IFT80: variants seen among roughly 807,000 people sequenced by gnomAD.
IFT80 encodes the protein intraflagellar transport protein 80 homolog.
Under a neutral mutation model 107.9 loss-of-function variants are expected in IFT80, and 79 were observed. The ratio of observed to expected loss-of-function variants is 0.73; its 90% CI spans 0.61 to 0.88. The LOEUF is 0.88. IFT80 is among the 40% of genes least tolerant of loss of function. The probability of loss-of-function intolerance (pLI) is 0.00; values close to 1 mark genes in which losing one functional copy is unlikely to be tolerated. For synonymous variants in IFT80, 299 were observed against 300.9 expected (o/e 0.99, Z 0.07); for missense variants, 797 against 914.2 (o/e 0.87, Z 1.65).
intron 8 of IFT80, among the ~76,000 whole-genome samples, chr3:160,325,008 C>A (rs1249943428): frequency 6.6e-6 from 1 of 150,376 alleles, no homozygotes; most frequent in African/African-American, 2.4e-5. Flanking sequence ...AGAGCCAAAT[C>A]ATGAGTGAAC....
intron 6 of IFT80, among the ~76,000 whole-genome samples, chr3:160,363,620 A>G (rs918798842): frequency 3.9e-5 from 6 of 152,296 alleles, no homozygotes; most frequent in Middle Eastern, 6.8e-3. Flanking sequence ...ACTATACTAC[A>G]AGGCTACCAC....
intron 5 of IFT80, among the ~76,000 whole-genome samples, chr3:160,372,776 T>C (rs1711628308): frequency 6.6e-6 from 1 of 152,188 alleles, no homozygotes; most frequent in South Asian, 2.1e-4. Flanking sequence ...GGAAAACACA[T>C]TTTAAATGTT....
chr3:160,301,176 T>C (rs1716398363), intron 11 of IFT80, 130 bp from the exon 12 acceptor site: 2 of 912,426 alleles, frequency 2.2e-6, no homozygotes, highest in Non-Finnish European at 3.1e-6. Flanking sequence ...TGTAGATATA[T>C]AAGGAACAAA....
At chr3:160,345,333 A>G (rs1238523131) in intron 8 of IFT80, among the ~76,000 whole-genome samples, 2 of 152,202 alleles carry the variant, frequency 1.3e-5, no homozygotes, top group Non-Finnish European at 2.9e-5. Flanking sequence ...TAAGCCAGGT[A>G]CAGAAAGACA....
chr3:160,262,827 A>C (rs2108199447), intron 19 of IFT80, among the ~76,000 whole-genome samples: 1 of 152,266 alleles, frequency 6.6e-6, no homozygotes, highest in South Asian at 2.1e-4. Flanking sequence ...GGTTTCCTTC[A>C]ACAACCTCTT....
At chr3:160,262,670 C>A (rs562604618) in intron 19 of IFT80, among the ~76,000 whole-genome samples, 2 of 152,222 alleles carry the variant, frequency 1.3e-5, no homozygotes, top group South Asian at 4.1e-4. Context: ...CGTCCCTGAG[C>A]TGACAAGAGT....
At chr3:160,357,106 CTTTCTT>C (rs1479384672) in intron 7 of IFT80, among the ~76,000 whole-genome samples, 2 of 152,048 alleles carry the variant, frequency 1.3e-5, no homozygotes, top group African/African-American at 4.8e-5. Context: ...ATGAGATAGT[CTTTCTT>C]TTTCTGAGAG....
chr3:160,313,077 T>TTA (rs1553757863), intron 9 of IFT80, among the ~76,000 whole-genome samples: 3 of 107,684 alleles, frequency 2.8e-5, no homozygotes, highest in Admixed American at 3.1e-4. Context: ...TATATATATT[T>TTA]TATATAATAT....
chr3:160,284,252 TTAGGAAA>T (rs1452823460), intron 13 of IFT80, among the ~76,000 whole-genome samples: 1 of 152,014 alleles, frequency 6.6e-6, no homozygotes, highest in African/African-American at 2.4e-5. Context: ...ATTCTTACAC[TTAGGAAA>T]AGTGTTATAG....
At chr3:160,362,758 C>T (rs923413158) in intron 6 of IFT80, among the ~76,000 whole-genome samples, 7 of 151,702 alleles carry the variant, frequency 4.6e-5, no homozygotes, top group East Asian at 1.9e-4. Context: ...ACAGAACCAA[C>T]GACAAAACCA....
chr3:160,362,819 C>A (rs149669630), intron 6 of IFT80, among the ~76,000 whole-genome samples: 8 of 152,244 alleles, frequency 5.3e-5, no homozygotes, highest in African/African-American at 1.4e-4. Context: ...ATTCAACAGC[C>A]CTTCATGCTA....
intron 8 of IFT80, among the ~76,000 whole-genome samples, chr3:160,343,355 T>C (rs1244453013): frequency 1.3e-5 from 2 of 152,162 alleles, no homozygotes; most frequent in East Asian, 3.8e-4. Context: ...CACCTGCTGA[T>C]AGATAAAAGC....
chr3:160,290,754 G>T (rs369499395), intron 12 of IFT80, among the ~76,000 whole-genome samples: 2 of 152,020 alleles, frequency 1.3e-5, no homozygotes, highest in African/African-American at 4.8e-5. Flanking sequence ...GTAAAGTCGG[G>T]GTTTCGCCAT....
chr3:160,356,309 G>A (rs1022359710), intron 7 of IFT80, among the ~76,000 whole-genome samples, 159 bp from the exon 8 acceptor site: 11 of 152,082 alleles, frequency 7.2e-5, no homozygotes, highest in Non-Finnish European at 1.3e-4. Flanking sequence ...TTAGAAATCA[G>A]CACCTTATAT....
chr3:160,305,930 T>C (rs890916442), intron 10 of IFT80, among the ~76,000 whole-genome samples: 5 of 152,132 alleles, frequency 3.3e-5, no homozygotes, highest in Non-Finnish European at 5.9e-5. Flanking sequence ...ATGAGAATAA[T>C]AATAAACATG....
chr3:160,389,441 T>C (rs992794773), intron 1 of IFT80, among the ~76,000 whole-genome samples: 1 of 150,820 alleles, frequency 6.6e-6, no homozygotes, highest in Non-Finnish European at 1.5e-5. Flanking sequence ...TAACTCGTCA[T>C]TTAGCATTAG....
intron 1 of IFT80, among the ~76,000 whole-genome samples, chr3:160,398,213 C>T (rs547898651): frequency 6.6e-6 from 1 of 152,298 alleles, no homozygotes; most frequent in East Asian, 1.9e-4. Context: ...AGTCTCCCAA[C>T]CTCACCAAAT....
intron 8 of IFT80, among the ~76,000 whole-genome samples, chr3:160,354,685 A>C (rs548558709): frequency 2.7e-4 from 41 of 152,260 alleles, no homozygotes; most frequent in African/African-American, 9.4e-4. Flanking sequence ...TAAAATAAAA[A>C]GAATGAATGG....
At chr3:160,266,849 A>G (rs1457818096) in intron 19 of IFT80, among the ~76,000 whole-genome samples, 2 of 152,124 alleles carry the variant, frequency 1.3e-5, no homozygotes, top group African/African-American at 4.8e-5. Context: ...CTGTGACACA[A>G]AGATCAGATT....
Sources: gnomAD v4.1 joint callset for allele counts (sites outside exome capture counted in the v4.1 genomes callset) on GRCh38, gnomAD v4.1.1 for gene constraint, MANE v1.5 for transcripts, NCBI Gene and HGNC (gene_info 2026-07-23, HGNC 2026-07-21) for gene names.